The following COL23A1 variants were observed in gnomAD, a reference collection of about 807,000 sequenced individuals.
COL23A1 encodes the protein collagen alpha-1(XXIII) chain.
A neutral mutation model predicts 99.3 loss-of-function variants in COL23A1; 97 were observed. The observed-to-expected ratio is 0.98, with a 90% CI of 0.83 to 1.16. The LOEUF (loss-of-function observed/expected upper bound fraction) is 1.16. Among genes scored for constraint, COL23A1 ranks in the 50% most tolerant of loss-of-function variants. COL23A1 has a pLI of 0.00. For missense variants in COL23A1, 762 were observed against 757.4 expected, an observed-to-expected ratio of 1.01 and a Z score of -0.07; for synonymous variants, 320 against 308.2, an observed-to-expected ratio of 1.04 and a Z score of -0.40.
At chr5:178,362,304 C>T (rs1233774068) in intron 2 of COL23A1, among the ~76,000 whole-genome samples, 4 of 152,106 alleles carry the variant, frequency 2.6e-5, no homozygotes, top group African/African-American at 7.2e-5. Context: ...AGCGGCTCAA[C>T]CACAGGCCCC....
chr5:178,569,219 C>T (rs1467766323), intron 1 of COL23A1, among the ~76,000 whole-genome samples: 1 of 152,146 alleles, frequency 6.6e-6, no homozygotes, highest in Non-Finnish European at 1.5e-5. Context: ...CTGTGCAAGT[C>T]CTTTGCCCAT....
At chr5:178,573,243 C>A (rs1308528008) in intron 1 of COL23A1, among the ~76,000 whole-genome samples, 1 of 152,186 alleles carries the variant, frequency 6.6e-6, no homozygotes, top group East Asian at 1.9e-4. Flanking sequence ...ACAAAAATCC[C>A]AGGCTGCGGC....
At chr5:178,367,648 G>A (rs1158413024) in intron 2 of COL23A1, among the ~76,000 whole-genome samples, 1 of 152,208 alleles carries the variant, frequency 6.6e-6, no homozygotes, top group Non-Finnish European at 1.5e-5. Flanking sequence ...GCTGCAGAGG[G>A]CCCATGGGAT....
chr5:178,544,353 G>A lies in COL23A1; in HGVS notation c.361+16329C>T, dbSNP rs1481341953. ...CCAAGGCGGGGAAGGCAAGTCGGCG[G>A]ATGCGCACTTCAGGGAGGACGCAGG... On this transcript the variant is annotated intron_variant, in intron 2 of 28. Transcript: ENST00000390654. This position sits in a 1 kb window ranked among gnomAD's most constrained non-coding sequence, Gnocchi z 4.4. 6.6e-6 allele frequency among the ~76,000 whole-genome samples: 1 copy of A among 152,196 alleles called. No homozygotes were observed. Among genetic ancestry groups the A allele is most frequent in the African/African-American group, 2.4e-5 (1 of 41,458 alleles).
chr5:178,445,405 C>T (rs1259377863), intron 2 of COL23A1, among the ~76,000 whole-genome samples: 1 of 152,136 alleles, frequency 6.6e-6, no homozygotes, highest in Non-Finnish European at 1.5e-5. Context: ...CTAAGTGTCT[C>T]TCCCCTTTGA....
chr5:178,547,797 ACTGACACACACC>A (rs1328508107), intron 2 of COL23A1, among the ~76,000 whole-genome samples: 1 of 8,202 alleles, frequency 1.2e-4, no homozygotes, highest in Admixed American at 2.1e-3. Context: ...CCCCACACAC[ACTGACACACACC>A]CCCACACCCA....
At chr5:178,343,771 T>C (rs1760805889) in intron 2 of COL23A1, among the ~76,000 whole-genome samples, 1 of 151,884 alleles carries the variant, frequency 6.6e-6, no homozygotes. Context: ...CAAGCACTTC[T>C]CCTGCCTCAG....
At chr5:178,257,243 G>A (rs1198871807) in intron 13 of COL23A1, among the ~76,000 whole-genome samples, 1 of 152,162 alleles carries the variant, frequency 6.6e-6, no homozygotes, top group African/African-American at 2.4e-5. Context: ...CAAGGCATGA[G>A]GATGACACCC....
At chr5:178,327,490 A>G (rs774296909) in intron 2 of COL23A1, among the ~76,000 whole-genome samples, 2 of 152,118 alleles carry the variant, frequency 1.3e-5, no homozygotes, top group Non-Finnish European at 2.9e-5. Context: ...AGGGCCTTGG[A>G]GACCTTATCT....
intron 2 of COL23A1, among the ~76,000 whole-genome samples, chr5:178,529,028 C>T (rs1202386100): frequency 2.0e-5 from 3 of 152,248 alleles, no homozygotes; most frequent in African/African-American, 7.2e-5. Flanking sequence ...ATTCTATGGC[C>T]TCGCAGGGCT....
chr5:178,245,827 G>C lies in COL23A1; in HGVS notation c.1440+115C>G, dbSNP rs1764662729. The C allele has an allele frequency of 7.2e-6, 9 of 1,247,460 alleles. No homozygotes were observed. The Admixed American group carries it at 1.4e-4, about 19-fold the overall frequency. The allele number at this position is 1,247,460 out of a possible 1,614,324, so 77.3% of individuals were successfully genotyped here. A position where few individuals can be genotyped will look rare whatever the true frequency, so the allele number is the denominator to read the frequency against. Reference sequence around the variant, plus strand: ...ACACAGGGGGAACCAGTCAGTTGCAGTCCCAGCCCTGGGGAAAGGGGTCAC... The same window carrying C: ...ACACAGGGGGAACCAGTCAGTTGCACTCCCAGCCCTGGGGAAAGGGGTCAC... On this transcript the variant is annotated intron_variant, in intron 25 of 28. Coordinates refer to ENST00000390654, the MANE Select transcript of COL23A1 (RefSeq NM_173465.4).
Position 178,317,142 on chromosome 5 carries a change from A to C in COL23A1, c.362-10223T>G, listed in dbSNP as rs146911488. ...TCATGCCATATTAATTACAATCCAC[A>C]TGCTAGAGTTTGTGATATTCTCTCT... On this transcript the variant is annotated intron_variant, in intron 2 of 28. Transcript: ENST00000390654. 1.6e-4 allele frequency among the ~76,000 whole-genome samples: 24 copies of C among 152,316 alleles called. No homozygotes were observed. The East Asian group carries it at 4.2e-3, about 27-fold the overall frequency.
intron 2 of COL23A1, among the ~76,000 whole-genome samples, chr5:178,551,707 G>A (rs1047324619): frequency 3.3e-5 from 5 of 152,136 alleles, no homozygotes; most frequent in Non-Finnish European, 7.4e-5. Flanking sequence ...CACCGTGCTG[G>A]ATTTAGGGGA....
At chr5:178,326,857 C>T (rs779454204) in intron 2 of COL23A1, among the ~76,000 whole-genome samples, 19 of 152,298 alleles carry the variant, frequency 1.2e-4, no homozygotes, top group East Asian at 1.9e-4. Flanking sequence ...GTAGCTGGGA[C>T]TACAGGCGCC....
chr5:178,352,016 C>T (rs1247042124), intron 2 of COL23A1: 2 of 152,242 alleles, frequency 1.3e-5, no homozygotes, highest in Admixed American at 1.3e-4. Context: ...TCCAGAACTT[C>T]GAGAAAATAA....
chr5:178,444,897 T>G (rs1417810495), intron 2 of COL23A1, among the ~76,000 whole-genome samples: 1 of 152,204 alleles, frequency 6.6e-6, no homozygotes, highest in African/African-American at 2.4e-5. Flanking sequence ...AATATAAATA[T>G]AATACAGTAG....
chr5:178,260,524 G>A (rs1403588430), intron 11 of COL23A1, among the ~76,000 whole-genome samples: 2 of 152,218 alleles, frequency 1.3e-5, no homozygotes, highest in East Asian at 3.8e-4. Flanking sequence ...GCCGGGCACG[G>A]TGGCTCATGC....
In COL23A1 at chr5:178,306,131, A is replaced by G. The variant is rs1758339031; in HGVS notation, c.406+744T>C. Among the ~76,000 whole-genome samples, 1 of 152,138 alleles carries G rather than the reference A, an allele frequency of 6.6e-6. No homozygotes were observed. The highest frequency in any genetic ancestry group is 2.4e-5 in the African/African-American group (1 of 41,418). On this transcript the variant is annotated intron_variant, in intron 3 of 28. Transcript: ENST00000390654. The surrounding 1 kb of genome is among the most constrained non-coding windows in gnomAD (Gnocchi z 4.1). ...GGCAGGTGGGTCCCGTGAGAATGGC[A>G]AAGGAGCCCGGGTCACAGATGAGGG... is the stretch of plus-strand genomic sequence containing the variant.
intron 2 of COL23A1, among the ~76,000 whole-genome samples, chr5:178,542,736 C>G (rs1020704231): frequency 6.6e-6 from 1 of 152,042 alleles, no homozygotes; most frequent in Non-Finnish European, 1.5e-5. Context: ...GGAGAGTTCC[C>G]TCTCTGACTC....
Sources: gnomAD v4.1 joint callset for allele counts (sites outside exome capture counted in the v4.1 genomes callset) on GRCh38, gnomAD v4.1.1 for gene constraint, Gnocchi (gnomAD v3.1) non-coding constraint, MANE v1.5 for transcripts, NCBI Gene and HGNC (gene_info 2026-07-23, HGNC 2026-07-21) for gene names.